NT5C1A: variants seen among roughly 807,000 people sequenced by gnomAD.
The protein encoded by NT5C1A is 5'-nucleotidase, cytosolic IA, also known as cytosolic 5'-nucleotidase 1A.
In NT5C1A, 18 loss-of-function variants were observed where a neutral mutation model predicts 31.0. The ratio of observed to expected loss-of-function variants is 0.58; its 90% confidence interval spans 0.40 to 0.86. The LOEUF is 0.86. NT5C1A is among the 40% of genes least tolerant of loss of function. The pLI, the probability that NT5C1A is intolerant of heterozygous loss-of-function variation, is 0.00. For synonymous variants in NT5C1A, 185 were observed against 203.6 expected (o/e 0.91, Z 0.78); for missense variants, 470 against 505.4 (o/e 0.93, Z 0.67).
At chr1:39,660,998 TC>T in intron 5 of NT5C1A, 80 bp downstream of exon 5, 1 of 787,540 alleles carries the variant, frequency 1.3e-6, no homozygotes, top group Non-Finnish European at 2.1e-6. Context: ...TTTGTTTGCT[TC>T]CAGGCTGGGA....
At chr1:39,660,951 C>T (rs139187518) in intron 5 of NT5C1A, 128 bp downstream of exon 5, 583 of 607,788 alleles carry the variant, frequency 9.6e-4, no homozygotes, top group Non-Finnish European at 1.5e-3. Context: ...GTGAGAGGGT[C>T]GAGGGGACCA....
intron 1 of NT5C1A, among the ~76,000 whole-genome samples, chr1:39,670,883 C>T (rs1199304481): frequency 6.6e-6 from 1 of 152,160 alleles, no homozygotes; most frequent in Non-Finnish European, 1.5e-5. Context: ...CCCCCAACTC[C>T]CCTAGGCTCT....
At chr1:39,661,001 A>G in intron 5 of NT5C1A, 78 bp downstream of exon 5, 2 of 802,490 alleles carry the variant, frequency 2.5e-6, no homozygotes, top group Non-Finnish European at 4.1e-6. Flanking sequence ...GTTTGCTTCC[A>G]GGCTGGGAGT....
chr1:39,659,538 GC>G (rs763647099), intron 5 of NT5C1A, 52 bp from the exon 6 acceptor site: 7 of 1,514,002 alleles, frequency 4.6e-6, no homozygotes, highest in Non-Finnish European at 6.2e-6. Context: ...CTAAATATTT[GC>G]CCCCTGCTCT....
At position 39,659,364 on chromosome 1, in the gene NT5C1A, G is replaced by A. The variant is rs572866950; in HGVS notation, c.864C>T (p.Ser288=). 76 of 1,613,796 alleles carry A rather than the reference G, an allele frequency of 4.7e-5. No homozygotes were observed. The Middle Eastern group carries it at 5.0e-4, about 11-fold the overall frequency. Residue 288 remains serine (S), a synonymous_variant, in exon 6 of 6, where the codon TCC becomes TCT. Transcript: ENST00000235628. ...YLVTARSAAS[S]GARALKTLRS... ...GCAGGGTCTTGAGAGCCCGGGCCCC[G>A]GAACTGGCTGCACTGCGTGCTGTCA...
rs111454496 is a variant in NT5C1A, at chr1:39,663,200, T to A, written c.556+112A>T. 2.3e-5 allele frequency: 28 copies of A among 1,230,536 alleles called. 1 individual carries two copies. The highest frequency in any genetic ancestry group is 1.6e-4 in the African/African-American group (11 of 67,370). The allele number at this position is 1,230,536 out of a possible 1,614,324, so 76.2% of individuals were successfully genotyped here. A position where few individuals can be genotyped will look rare whatever the true frequency, so the allele number is the denominator to read the frequency against. ...AGGAAAGTATTGCTCAGCCTTGCCT[T>A]CTAGTTACCATGGCAACTCCCAGCA... On this transcript the variant is annotated intron_variant, in intron 4 of 5. Coordinates refer to ENST00000235628, the MANE Select transcript of NT5C1A (RefSeq NM_032526.3).
rs1412265806 is a variant in NT5C1A, at chr1:39,655,019, G to A, written c.*4102C>T. Among the ~76,000 whole-genome samples, 2 of 152,026 alleles carry A rather than the reference G, an allele frequency of 1.3e-5. No homozygotes were observed. Among genetic ancestry groups the A allele is most frequent in the African/African-American group, 4.8e-5 (2 of 41,364 alleles). On this transcript the variant is annotated 3_prime_UTR_variant, in exon 6 of 6. Transcript: ENST00000235628. ...TGCAGTGGCGTGATCTCGGTTCACT[G>A]CAACCTCCGCCTTCCGGGTTCAAGT...
In NT5C1A at chr1:39,663,430, C is replaced by G. The variant is rs1359395417; in HGVS notation, c.438G>C (p.Leu146=). The part of the protein sequence containing the change: ...RLINSINHYD[L]FIERFCMTGG... ...CTGTCATGCAGAACCTCTCGATGAA[C>G]AGGTCTGGGAAGGAGGTAAAGGACC... Residue 146 remains leucine, a synonymous_variant, in exon 4 of 6, where the codon CTG becomes CTC. Transcript: ENST00000235628. 6.2e-7 allele frequency: 1 copy of G among 1,613,988 alleles called. No individual in the cohort carries two copies. The highest frequency in any genetic ancestry group is 1.1e-5 in the South Asian group (1 of 91,066).
chr1:39,665,971 A>G (rs1190834457), intron 2 of NT5C1A, 98 bp downstream of exon 2: 3 of 1,150,186 alleles, frequency 2.6e-6, no homozygotes, highest in Admixed American at 2.3e-5. Flanking sequence ...ACATCTGCCC[A>G]GAGGGGCCCT....
rs149962727 is a variant in NT5C1A, at chr1:39,661,118, G to A, written c.702C>T (p.Phe234=). Residue 234 remains phenylalanine (F), a synonymous_variant, in exon 5 of 6, where the codon TTC becomes TTT. Transcript: ENST00000235628. ...TGTTCTCGTGGGCCTTCTCATGCTC[G>A]AAGAATCGGTCCAGCCCGTGGGCCT... ...IVKAHGLDRF[F]EHEKAHENKP... is the part of the protein sequence containing the mutation. 1.5e-5 allele frequency: 24 copies of A among 1,591,264 alleles called. No individual in the cohort carries two copies. The East Asian group carries it at 4.1e-4, about 27-fold the overall frequency.
chr1:39,666,295 C>T, intron 1 of NT5C1A, 59 bp from the exon 2 acceptor site: 1 of 1,543,046 alleles, frequency 6.5e-7, no homozygotes, highest in Non-Finnish European at 8.9e-7. Context: ...GGCAGGCTCA[C>T]ATGTGTGAGT....
chr1:39,661,160 C>T lies in NT5C1A; in HGVS notation c.660G>A (p.Glu220=), dbSNP rs904502584. Residue 220 remains glutamate, a synonymous_variant, in exon 5 of 6, where the codon GAG becomes GAA. Coordinates refer to ENST00000235628, the MANE Select transcript of NT5C1A (RefSeq NM_032526.3). ...FDGDAVLFSD[E]SERIVKAHGL... is the part of the protein sequence containing the mutation. ...CGTGGGCCTTGACGATGCGCTCCGA[C>T]TCGTCCGAGAAGAGCACGGCGTCCC... The T allele has an allele frequency of 1.2e-6, 2 of 1,605,134 alleles. No individual in the cohort carries two copies. Among genetic ancestry groups the T allele is most frequent in the Non-Finnish European group, 1.7e-6 (2 of 1,172,420 alleles).
rs934444239 is a variant in NT5C1A, at chr1:39,657,433, T to C, written c.*1688A>G. 6.6e-6 allele frequency among the ~76,000 whole-genome samples: 1 copy of C among 152,126 alleles called. No homozygotes were observed. Among genetic ancestry groups the C allele is most frequent in the Non-Finnish European group, 1.5e-5 (1 of 68,018 alleles). The stretch of plus-strand genomic sequence containing the variant: ...TCTTCCCCTATTTCCTACCACCACA[T>C]CTCCAGGCTTCTGCCCCTCTCATGA... On this transcript the variant is annotated 3_prime_UTR_variant, in exon 6 of 6. Transcript: ENST00000235628.
Position 39,665,403 on chromosome 1 carries a change from A to T in NT5C1A, c.433+118T>A, listed in dbSNP as rs1208661746. 3.2e-6 allele frequency: 3 copies of T among 932,784 alleles called. 1 individual carries two copies. Among genetic ancestry groups the T allele is most frequent in the Admixed American group, 7.5e-5 (2 of 26,822 alleles). 57.8% of individuals were successfully genotyped at this position (932,784 alleles called of 1,614,324 possible). ...GTTTAAAGAGCGAATTTACCAGCAC[A>T]CACTGGACTTGGGGTTCTGGTCAGT... On this transcript the variant is annotated intron_variant, in intron 3 of 5. Transcript: ENST00000235628.
intron 5 of NT5C1A, 89 bp downstream of exon 5, chr1:39,660,986 GGTTT>G: frequency 2.9e-6 from 2 of 693,438 alleles, no homozygotes; most frequent in Non-Finnish European, 5.1e-6. Context: ...CTGAGCCTGG[GGTTT>G]GTTTGCTTCC....
intron 3 of NT5C1A, among the ~76,000 whole-genome samples, chr1:39,664,490 C>CCCTCCCCTCTCCTCTCCTCTCCT (rs1553485419): frequency 3.4e-4 from 1 of 2,900 alleles, no homozygotes; most frequent in Non-Finnish European, 6.1e-4. Context: ...GTGGATTTCT[C>CCCTCCCCTCTCCTCTCCTCTCCT]CTCCTCTCCT....
rs80094879 is a variant in NT5C1A at position 39,653,268 on chromosome 1, A to C, written c.*5853T>G. Among the ~76,000 whole-genome samples, 1 of 151,838 alleles carries C rather than the reference A, an allele frequency of 6.6e-6. No individual in the cohort carries two copies. The highest frequency in any genetic ancestry group is 1.5e-5 in the Non-Finnish European group (1 of 67,960). ...GTGGCCCCCAAGCTGCACATACGCA[A>C]ATGCCCATGTTATGATGGAAATGGG... On this transcript the variant is annotated 3_prime_UTR_variant, in exon 6 of 6. Transcript: ENST00000235628.
rs777212996 is a variant in NT5C1A at position 39,665,608 on chromosome 1, C to T, written c.346G>A (p.Asp116Asn). Reference protein sequence around the residue: ...VNRRLRELYPDSEDVFDIVLM... With the variant: ...VNRRLRELYPNSEDVFDIVLM... ...ACGATGTCGAAGACGTCCTCACTAT[C>T]AGGGTACAGCTCCCGCAGCCGCCTG... Residue 116 changes from aspartate (D) to asparagine (N), a missense_variant, in exon 3 of 6, where the codon GAT becomes AAT. By Grantham distance (23) the Asp-to-Asn change is conservative. Coordinates refer to ENST00000235628, the MANE Select transcript of NT5C1A (RefSeq NM_032526.3). 1 of 1,613,414 alleles carries T rather than the reference C, an allele frequency of 6.2e-7. No homozygotes were observed.
In NT5C1A at chr1:39,656,855, C is replaced by T. The variant is rs1646461376; in HGVS notation, c.*2266G>A. 6.6e-6 allele frequency among the ~76,000 whole-genome samples: 1 copy of T among 152,216 alleles called. No individual in the cohort carries two copies. Among genetic ancestry groups the T allele is most frequent in the Middle Eastern group, 3.2e-3 (1 of 316 alleles). On this transcript the variant is annotated 3_prime_UTR_variant, in exon 6 of 6. Coordinates refer to ENST00000235628, the MANE Select transcript of NT5C1A (RefSeq NM_032526.3). ...CCCCTGGGAGTGAGAAGGAGAGGGC[C>T]TTTCTGCAGTTCAGCCAAGAATAAA...
Sources: gnomAD v4.1 joint callset for allele counts (sites outside exome capture counted in the v4.1 genomes callset) on GRCh38, gnomAD v4.1.1 for gene constraint, MANE v1.5 for transcripts, NCBI Gene and HGNC (gene_info 2026-07-23, HGNC 2026-07-21) for gene names.